The following TFAP2A variants were observed in gnomAD, a reference collection of about 807,000 sequenced individuals.
TFAP2A encodes the protein transcription factor AP-2 alpha.
A neutral mutation model predicts 41.5 loss-of-function variants in TFAP2A; 7 were observed. The ratio of observed to expected loss-of-function variants is 0.17; its 90% CI spans 0.10 to 0.32. The LOEUF (loss-of-function observed/expected upper bound fraction) is 0.32. Ranked by LOEUF, TFAP2A falls within the 10% of genes least tolerant of loss-of-function variation. TFAP2A has a pLI of 1.00. For missense variants in TFAP2A, 416 were observed against 563.3 expected (o/e 0.74, Z 2.65); for synonymous variants, 247 against 242.8 (o/e 1.02, Z -0.16).
chr6:10,408,978 G>C (rs961750471), intron 2 of TFAP2A: 4 of 152,168 alleles, frequency 2.6e-5, no homozygotes, highest in African/African-American at 9.7e-5. Context: ...TTTAACAGAA[G>C]CCTTTACAGC....
chr6:10,402,325 G>T, intron 5 of TFAP2A, 167 bp downstream of exon 5: 1 of 714,482 alleles, frequency 1.4e-6, no homozygotes, highest in South Asian at 1.5e-5. Context: ...AGGAGTACAT[G>T]CAAATGTTTC....
intron 1 of TFAP2A, chr6:10,412,712 G>T (rs1406755663): frequency 3.1e-6 from 1 of 321,540 alleles, no homozygotes; most frequent in Non-Finnish European, 6.3e-6. Context: ...GTCTGGCCGC[G>T]GGCTCCGCCG....
At chr6:10,403,659 G>A (rs912431008) in intron 4 of TFAP2A, among the ~76,000 whole-genome samples, 2 of 152,130 alleles carry the variant, frequency 1.3e-5, no homozygotes, top group African/African-American at 4.8e-5. Context: ...AACTCACAAC[G>A]TGCAGTGGAA....
upstream of TFAP2A, chr6:10,415,212 G>A: frequency 6.8e-7 from 1 of 1,478,008 alleles, no homozygotes; most frequent in Non-Finnish European, 9.0e-7. Context: ...GGGCGAGGAG[G>A]AGGAGAGAAG....
At chr6:10,419,559 A>G, upstream of TFAP2A, 1 of 1,395,330 alleles carries the variant, frequency 7.2e-7, no homozygotes, top group Non-Finnish European at 1.0e-6. Flanking sequence ...TTACCTGCTC[A>G]CCAACATCTC....
At position 10,398,201 on chromosome 6, in the gene TFAP2A, G is replaced by A; in HGVS notation, c.*216C>T. 1.4e-6 allele frequency: 2 copies of A among 1,456,976 alleles called. No individual in the cohort carries two copies. Among genetic ancestry groups the A allele is most frequent in the Non-Finnish European group, 1.8e-6 (2 of 1,108,642 alleles). 90.3% of individuals were successfully genotyped at this position (1,456,976 alleles called of 1,614,324 possible). ...GTGTGGGAGCGGGTGGGGAGGTCGA[G>A]GCGGGTGCAGAGTCGGAGAGGCTGC... On this transcript the variant is annotated 3_prime_UTR_variant, in exon 7 of 7. Coordinates refer to ENST00000379613, the MANE Select transcript of TFAP2A (RefSeq NM_001372066.1). The surrounding 1 kb of genome is among the most constrained non-coding windows in gnomAD (Gnocchi z 5.3).
At chr6:10,410,391 C>G in intron 1 of TFAP2A, 56 bp from the exon 2 acceptor site, 1 of 1,523,212 alleles carries the variant, frequency 6.6e-7, no homozygotes, top group African/African-American at 1.4e-5. Context: ...CGAGCTACAA[C>G]TATCCACACA....
At chr6:10,402,129 A>C in intron 5 of TFAP2A, 1 of 369,068 alleles carries the variant, frequency 2.7e-6, no homozygotes. Flanking sequence ...TAATTCAGGA[A>C]GTAATGGTCA....
At chr6:10,410,616 T>A (rs1050239746) in intron 1 of TFAP2A, among the ~76,000 whole-genome samples, 1 of 152,184 alleles carries the variant, frequency 6.6e-6, no homozygotes, top group African/African-American at 2.4e-5. Flanking sequence ...ACACAGCCCA[T>A]TAAACTGCAG....
chr6:10,419,028 C>A (rs919661293), upstream of TFAP2A, among the ~76,000 whole-genome samples: 3 of 152,148 alleles, frequency 2.0e-5, no homozygotes, highest in Admixed American at 6.5e-5. Context: ...ACCTTCACCG[C>A]CGCGCACCAC....
intron 3 of TFAP2A, chr6:10,406,333 A>G (rs964920993): frequency 5.9e-6 from 1 of 170,234 alleles, no homozygotes; most frequent in Non-Finnish European, 1.3e-5. Flanking sequence ...ACCCTTAAAC[A>G]GCTAACAAGA....
intron 1 of TFAP2A, chr6:10,411,972 T>C: frequency 9.2e-7 from 1 of 1,091,324 alleles, no homozygotes; most frequent in Non-Finnish European, 1.1e-6. Flanking sequence ...AGCGGCGGCT[T>C]CGCTTGAGCT....
In TFAP2A at chr6:10,410,174, C is replaced by G; in HGVS notation, c.213G>C (p.Ser71=). ...CGTTGACGTGGGAGTAAGGATCTTG[C>G]GACTGGGGGTAGATAGGCTGGTAGG... ...PPPYQPIYPQ[S]QDPYSHVNDP... Residue 71 remains serine, a synonymous_variant, in exon 2 of 7, where the codon TCG becomes TCC. Coordinates refer to ENST00000379613, the MANE Select transcript of TFAP2A (RefSeq NM_001372066.1). The G allele has an allele frequency of 6.6e-7, 1 of 1,521,882 alleles. No homozygotes were observed. The highest frequency in any genetic ancestry group is 1.2e-5 in the South Asian group (1 of 83,278). The allele number at this position is 1,521,882 out of a possible 1,614,324, so 94.3% of individuals were successfully genotyped here. A position where few individuals can be genotyped will look rare whatever the true frequency, so the allele number is the denominator to read the frequency against.
At chr6:10,416,556 C>T (rs1368843479), upstream of TFAP2A, 1 of 152,192 alleles carries the variant, frequency 6.6e-6, no homozygotes, top group Non-Finnish European at 1.5e-5. Context: ...GCTATATGTA[C>T]AAACTCCTTA....
chr6:10,400,788 TCTC>T, intron 5 of TFAP2A, 199 bp from the exon 6 acceptor site: 1 of 725,426 alleles, frequency 1.4e-6, no homozygotes, highest in Non-Finnish European at 2.4e-6. Context: ...AATGACCACT[TCTC>T]CTAGAGGGCC....
chr6:10,416,757 C>T (rs12207315), upstream of TFAP2A, among the ~76,000 whole-genome samples: 2,704 of 152,314 alleles, frequency 0.018, 33 homozygotes, highest in Non-Finnish European at 0.029. Context: ...CCCATTCCAC[C>T]CAAGGCTGCA....
intron 6 of TFAP2A, among the ~76,000 whole-genome samples, chr6:10,399,263 T>TAAA (rs1761912388): frequency 6.6e-6 from 1 of 152,116 alleles, no homozygotes; most frequent in Non-Finnish European, 1.5e-5. Context: ...ATTTTGCCTT[T>TAAA]AAAAAACAAG....
At chr6:10,417,904 C>A (rs1758302648), upstream of TFAP2A, among the ~76,000 whole-genome samples, 1 of 152,210 alleles carries the variant, frequency 6.6e-6, no homozygotes, top group Admixed American at 6.5e-5. Flanking sequence ...CACAGAAGGC[C>A]CAGTCCCAGG....
At chr6:10,414,888 G>C in intron 1 of TFAP2A, 53 bp downstream of exon 1, 2 of 1,606,690 alleles carry the variant, frequency 1.2e-6, no homozygotes, top group Non-Finnish European at 1.7e-6. Flanking sequence ...GAGAGGGAGG[G>C]TCAAGCTCGG....
Sources: gnomAD v4.1 joint callset for allele counts (sites outside exome capture counted in the v4.1 genomes callset) on GRCh38, gnomAD v4.1.1 for gene constraint, Gnocchi (gnomAD v3.1) non-coding constraint, MANE v1.5 for transcripts, NCBI Gene and HGNC (gene_info 2026-07-23, HGNC 2026-07-21) for gene names.